RAD51: variants seen among roughly 807,000 people sequenced by gnomAD.
The protein encoded by RAD51 is RAD51 recombinase.
A neutral mutation model predicts 41.5 loss-of-function variants in RAD51; 14 were observed. The ratio of observed to expected loss-of-function variants is 0.34; its 90% confidence interval spans 0.22 to 0.53. The LOEUF (loss-of-function observed/expected upper bound fraction) is 0.53, where lower values mean the gene tolerates loss of function less well. RAD51 is among the 20% of genes least tolerant of loss of function. The pLI is 0.95. For synonymous variants in RAD51, 136 were observed against 148.6 expected (o/e 0.92, Z 0.62); for missense variants, 234 against 422.0 (o/e 0.55, Z 3.90).
intron 1 of RAD51, among the ~76,000 whole-genome samples, chr15:40,696,261 A>G (rs1176399329): frequency 6.6e-6 from 1 of 152,162 alleles, no homozygotes; most frequent in Non-Finnish European, 1.5e-5. Context: ...TCACAACTGT[A>G]TACAACTCCG....
At chr15:40,706,444 C>G in intron 4 of RAD51, 150 bp downstream of exon 4, 1 of 738,738 alleles carries the variant, frequency 1.4e-6, no homozygotes, top group East Asian at 2.7e-5. Context: ...TGCCTGTAAT[C>G]TCAGCACTTT....
At chr15:40,728,618 C>G (rs1896710432) in intron 6 of RAD51, 93 bp from the exon 7 acceptor site, 1 of 994,808 alleles carries the variant, frequency 1.0e-6, no homozygotes, top group African/African-American at 1.6e-5. Flanking sequence ...CCACTTCTTC[C>G]CTACCTATTC....
intron 6 of RAD51, among the ~76,000 whole-genome samples, chr15:40,723,936 A>T (rs1419172670): frequency 6.6e-6 from 1 of 152,194 alleles, no homozygotes; most frequent in East Asian, 1.9e-4. Context: ...GTGGTAATTT[A>T]GTCCCTGCCA....
At chr15:40,730,079 A>G (rs1304633902) in intron 9 of RAD51, 105 bp downstream of exon 9, 5 of 1,453,488 alleles carry the variant, frequency 3.4e-6, no homozygotes, top group South Asian at 2.4e-5. Flanking sequence ...CTACTGTTGT[A>G]TAGACACTTA....
intron 4 of RAD51, among the ~76,000 whole-genome samples, chr15:40,707,296 C>T (rs1214328084): frequency 6.9e-6 from 1 of 145,908 alleles, no homozygotes; most frequent in Non-Finnish European, 1.5e-5. Flanking sequence ...CTTGCCTGGC[C>T]CAATGTCAGT....
chr15:40,697,574 C>CTTTT lies in RAD51; in HGVS notation c.-2-1165_-2-1162dup, dbSNP rs11340353. ...ATTTATGAGATACAAGATGATATTT[C>CTTTT]TTTTTTTTTTTTTTTTTTTTTGAGA... On this transcript the variant is annotated intron_variant, in intron 1 of 9. Transcript: ENST00000267868. Among the ~76,000 whole-genome samples the CTTTT allele has an allele frequency of 7.1e-3, 747 of 105,480 alleles. 42 individuals are homozygous for CTTTT. The highest frequency in any genetic ancestry group is 0.021 in the African/African-American group (551 of 26,420). The allele number at this position is 105,480 out of a possible 152,430, so 69.2% of individuals were successfully genotyped here.
At chr15:40,730,961 A>G (rs577000408) in intron 9 of RAD51, 94 bp from the exon 10 acceptor site, 4 of 1,513,532 alleles carry the variant, frequency 2.6e-6, no homozygotes, top group Admixed American at 1.7e-5. Flanking sequence ...TAGGAAGAAT[A>G]TATGTCTAAA....
intron 6 of RAD51, among the ~76,000 whole-genome samples, chr15:40,726,089 G>T (rs549596663): frequency 9.2e-5 from 14 of 152,242 alleles, no homozygotes; most frequent in African/African-American, 3.4e-4. Context: ...TTGAAAGTCT[G>T]AAGTACTGTG....
intron 2 of RAD51, 110 bp from the exon 3 acceptor site, chr15:40,700,954 G>GCCCT: frequency 1.8e-6 from 2 of 1,100,524 alleles, no homozygotes; most frequent in Non-Finnish European, 2.6e-6. Context: ...TCAAGGGACA[G>GCCCT]TTGTATTACA....
At chr15:40,699,398 C>T (rs1894846805) in intron 2 of RAD51, among the ~76,000 whole-genome samples, 1 of 152,246 alleles carries the variant, frequency 6.6e-6, no homozygotes, top group African/African-American at 2.4e-5. Context: ...CCTCTTTGGC[C>T]TCCCAAAGTG....
chr15:40,710,842 C>A (rs1049089608), intron 5 of RAD51, among the ~76,000 whole-genome samples: 2 of 152,174 alleles, frequency 1.3e-5, no homozygotes, highest in Non-Finnish European at 2.9e-5. Flanking sequence ...TCTCCTGCCA[C>A]CTTCTCAAGG....
chr15:40,730,065 A>G, intron 9 of RAD51, 91 bp downstream of exon 9: 1 of 1,522,634 alleles, frequency 6.6e-7, no homozygotes, highest in Non-Finnish European at 9.0e-7. Context: ...AAGCCCTGTT[A>G]AAGCTACTGT....
rs1896862545 is a variant in RAD51 at position 40,731,218 on chromosome 15, C to T, written c.*40C>T. 1 of 1,613,040 alleles carries T rather than the reference C, an allele frequency of 6.2e-7. No individual in the cohort carries two copies. Among genetic ancestry groups the T allele is most frequent in the South Asian group, 1.1e-5 (1 of 91,042 alleles). ...CCTCTGTTAAAAACCTTAAGTGCTG[C>T]AGCCTAATGAGAGTGCACTGCTCCC... On this transcript the variant is annotated 3_prime_UTR_variant, in exon 10 of 10. Coordinates refer to ENST00000267868, the MANE Select transcript of RAD51 (RefSeq NM_002875.5).
intron 6 of RAD51, among the ~76,000 whole-genome samples, chr15:40,723,836 G>A (rs558590869): frequency 1.3e-5 from 2 of 152,122 alleles, no homozygotes; most frequent in South Asian, 4.1e-4. Context: ...AGTAAAGCTC[G>A]TGAAGAGTTT....
intron 2 of RAD51, among the ~76,000 whole-genome samples, chr15:40,699,759 C>T (rs565719411): frequency 6.6e-6 from 1 of 152,292 alleles, no homozygotes; most frequent in East Asian, 1.9e-4. Flanking sequence ...GTATAAGAGA[C>T]AAGCTCCAAT....
Position 40,698,770 on chromosome 15 carries a change from G to C in RAD51, c.12G>C (p.Gln4His), listed in dbSNP as rs1335930270. The C allele has an allele frequency of 6.2e-7, 1 of 1,613,914 alleles. No individual in the cohort carries two copies. The highest frequency in any genetic ancestry group is 2.2e-5 in the East Asian group (1 of 44,888). The change falls in exon 2 of 10, where the codon CAG becomes CAC. Residue 4 changes from glutamine (Q) to histidine (H), a missense_variant. This residue lies in a region of RAD51 where 100 missense variants were observed against 135.5 expected (regional missense o/e 0.74). Transcript: ENST00000267868. Reference protein sequence around the residue: MAMQMQLEANADTS... With the variant: MAMHMQLEANADTS... The stretch of plus-strand genomic sequence containing the variant: ...TGTATTTTTCAGTAATGGCAATGCA[G>C]ATGCAGCTTGAAGCAAATGCAGATA...
chr15:40,718,983 C>A, intron 6 of RAD51, 84 bp downstream of exon 6: 1 of 1,268,624 alleles, frequency 7.9e-7, no homozygotes, highest in Non-Finnish European at 1.1e-6. Flanking sequence ...CGAAGAATGT[C>A]TCTTCTATAA....
intron 7 of RAD51, 140 bp from the exon 8 acceptor site, chr15:40,729,365 T>TC (rs1200054274): frequency 3.9e-5 from 35 of 901,338 alleles, no homozygotes; most frequent in Non-Finnish European, 5.2e-5. Flanking sequence ...AGAGCTAGAC[T>TC]CCATCTCAAA....
chr15:40,730,274 C>T (rs1214406304), intron 9 of RAD51, among the ~76,000 whole-genome samples: 1 of 151,962 alleles, frequency 6.6e-6, no homozygotes, highest in East Asian at 1.9e-4. Context: ...CTTTGGGAGG[C>T]CAAGGTGATA....
Sources: gnomAD v4.1 joint callset for allele counts (sites outside exome capture counted in the v4.1 genomes callset) on GRCh38, gnomAD v4.1.1 for gene constraint, gnomAD v4.1.1 regional missense constraint, MANE v1.5 for transcripts, NCBI Gene and HGNC (gene_info 2026-07-23, HGNC 2026-07-21) for gene names.